The following MREG variants were observed in gnomAD, a reference collection of about 807,000 sequenced individuals.
The protein encoded by MREG is melanoregulin.
A neutral mutation model predicts 28.5 loss-of-function variants in MREG; 31 were observed. That is an observed-to-expected ratio of 1.09 (90% CI 0.82 to 1.47). MREG has a LOEUF of 1.47. Ranked by LOEUF, MREG falls within the 40% of genes most tolerant of loss-of-function variation. MREG has a pLI of 0.00. For missense variants in MREG, 256 were observed against 257.4 expected (o/e 0.99, Z 0.04); for synonymous variants, 106 against 95.2 (o/e 1.11, Z -0.66).
intron 1 of MREG, among the ~76,000 whole-genome samples, chr2:215,996,905 C>T (rs564792438): frequency 6.6e-5 from 10 of 152,210 alleles, no homozygotes; most frequent in South Asian, 2.1e-4. Context: ...CTCAGCCTAC[C>T]GAGTACCTGG....
At chr2:216,003,406 T>C (rs1473052204) in intron 1 of MREG, among the ~76,000 whole-genome samples, 1 of 152,210 alleles carries the variant, frequency 6.6e-6, no homozygotes, top group Non-Finnish European at 1.5e-5. Flanking sequence ...AGGCACCCTG[T>C]GAAGCCAGCA....
intron 1 of MREG, among the ~76,000 whole-genome samples, chr2:216,009,363 A>G (rs1694239173): frequency 6.6e-6 from 1 of 152,082 alleles, no homozygotes; most frequent in South Asian, 2.1e-4. Flanking sequence ...AATGCTGCTA[A>G]GTGGGGGTTG....
At chr2:215,966,564 AT>A (rs1317916109) in intron 2 of MREG, among the ~76,000 whole-genome samples, 1 of 150,958 alleles carries the variant, frequency 6.6e-6, no homozygotes, top group Non-Finnish European at 1.5e-5. Context: ...ACAGCTGAGA[AT>A]TATTACTTAA....
intron 2 of MREG, among the ~76,000 whole-genome samples, chr2:215,982,371 T>C (rs1262029070): frequency 1.3e-5 from 2 of 151,268 alleles, no homozygotes; most frequent in African/African-American, 4.9e-5. Flanking sequence ...GAAACATTGA[T>C]TCTCTTAATG....
intron 1 of MREG, among the ~76,000 whole-genome samples, chr2:215,997,814 C>A (rs77133857): frequency 0.11 from 16,531 of 152,040 alleles, 1,093 homozygotes; most frequent in East Asian, 0.3. Flanking sequence ...CTTCAAAGGC[C>A]TGGGGTGGAA....
At chr2:216,029,921 C>G (rs1042433681) in intron 1 of MREG, among the ~76,000 whole-genome samples, 1 of 152,154 alleles carries the variant, frequency 6.6e-6, no homozygotes, top group South Asian at 2.1e-4. Context: ...ATGGCTGAGT[C>G]GTATCTCTTA....
intron 2 of MREG, among the ~76,000 whole-genome samples, chr2:215,967,862 G>A (rs1692987526): frequency 6.6e-6 from 1 of 152,182 alleles, no homozygotes; most frequent in Non-Finnish European, 1.5e-5. Flanking sequence ...GAAGGGAAAT[G>A]TAGCAGGAGG....
At chr2:216,005,610 C>G (rs2106027355) in intron 1 of MREG, among the ~76,000 whole-genome samples, 1 of 151,786 alleles carries the variant, frequency 6.6e-6, no homozygotes, top group African/African-American at 2.4e-5. Flanking sequence ...GCCACCACAC[C>G]AAGCTAATTT....
intron 1 of MREG, among the ~76,000 whole-genome samples, chr2:216,025,889 C>T (rs538414345): frequency 8.5e-5 from 13 of 152,218 alleles, no homozygotes; most frequent in Non-Finnish European, 1.9e-4. Flanking sequence ...ATTCTTTTAT[C>T]AGATTTCTTT....
At chr2:215,958,789 C>T (rs967157663) in intron 2 of MREG, among the ~76,000 whole-genome samples, 6 of 152,198 alleles carry the variant, frequency 3.9e-5, no homozygotes, top group African/African-American at 1.2e-4. Flanking sequence ...TCCAAAGATC[C>T]TCACCGCCTC....
chr2:215,986,217 TA>T (rs1693567412), intron 2 of MREG, among the ~76,000 whole-genome samples: 1 of 152,220 alleles, frequency 6.6e-6, no homozygotes, highest in Non-Finnish European at 1.5e-5. Context: ...GCATATTTTT[TA>T]ATTGAGTTAT....
At position 215,954,883 on chromosome 2, in the gene MREG, A is replaced by G. The variant is rs1454188884; in HGVS notation, c.256-7770T>C. 6.6e-5 allele frequency among the ~76,000 whole-genome samples: 10 copies of G among 152,204 alleles called. No homozygotes were observed. The East Asian group carries it at 1.9e-3, about 29-fold the overall frequency. Reference sequence around the variant, plus strand: ...AATGCCCAGCTAATTTTGTATTTTTAGTAGAGATGCAGTCTCATCATGTTG... The same window carrying G: ...AATGCCCAGCTAATTTTGTATTTTTGGTAGAGATGCAGTCTCATCATGTTG... On this transcript the variant is annotated intron_variant, in intron 2 of 4. Coordinates refer to ENST00000263268, the MANE Select transcript of MREG (RefSeq NM_018000.3).
Position 215,996,377 on chromosome 2 carries a change from T to C in MREG, c.184A>G (p.Thr62Ala), listed in dbSNP as rs750962379. Residue 62 changes from threonine (T) to alanine (A), a missense_variant, in exon 2 of 5, where the codon ACA becomes GCA. Thr to Ala is a moderately conservative substitution (Grantham distance 58, BLOSUM62 0). Transcript: ENST00000263268. ...AGGGTTCTGTCGTCGTCTGCCTCTG[T>C]GTGGGACACATCATGGGGCATACTC... Reference protein sequence around the residue: ...LWSMPHDVSHTEADDDRTLYN... With the variant: ...LWSMPHDVSHAEADDDRTLYN... 18 of 1,613,916 alleles carry C rather than the reference T, an allele frequency of 1.1e-5. No homozygotes were observed. In the African/African-American group the frequency reaches 1.9e-4, roughly 17 times the overall value.
intron 2 of MREG, among the ~76,000 whole-genome samples, chr2:215,960,471 A>G (rs1692750342): frequency 6.6e-6 from 1 of 152,188 alleles, no homozygotes. Context: ...AGAAAGCTGC[A>G]CTAAATTTTA....
chr2:215,974,852 A>ACACACACACACACT (rs1553550318), intron 2 of MREG, among the ~76,000 whole-genome samples: 45 of 107,580 alleles, frequency 4.2e-4, no homozygotes, highest in Non-Finnish European at 7.2e-4. Context: ...ACACACACAC[A>ACACACACACACACT]CTCTCTCTCT....
At chr2:216,010,778 G>T (rs551319806) in intron 1 of MREG, among the ~76,000 whole-genome samples, 2 of 151,706 alleles carry the variant, frequency 1.3e-5, no homozygotes, top group Non-Finnish European at 2.9e-5. Flanking sequence ...TGAACCAAAA[G>T]TCACTCACTA....
intron 1 of MREG, among the ~76,000 whole-genome samples, chr2:216,012,753 T>C (rs1205887220): frequency 1.3e-5 from 2 of 152,176 alleles, no homozygotes; most frequent in African/African-American, 4.8e-5. Flanking sequence ...ATTTTTTTCA[T>C]GTGAAAAATA....
chr2:215,960,626 G>A (rs1251776718), intron 2 of MREG, among the ~76,000 whole-genome samples: 2 of 151,710 alleles, frequency 1.3e-5, no homozygotes, highest in East Asian at 3.9e-4. Flanking sequence ...ACAAGGTCAG[G>A]AGATCGAGAC....
chr2:216,020,737 A>G (rs1035936146), intron 1 of MREG, among the ~76,000 whole-genome samples: 1 of 152,234 alleles, frequency 6.6e-6, no homozygotes, highest in African/African-American at 2.4e-5. Flanking sequence ...TGTTTCAAGC[A>G]TGGTGTGTGT....
Sources: allele counts gnomAD v4.1 joint callset (sites outside exome capture counted in the v4.1 genomes callset), GRCh38; gene constraint gnomAD v4.1.1; transcripts MANE v1.5; gene names NCBI Gene and HGNC (gene_info 2026-07-23, HGNC 2026-07-21).